MYH13: variants seen among roughly 807,000 people sequenced by gnomAD.
MYH13 encodes myosin-13.
In MYH13, 177 loss-of-function variants were observed where a neutral mutation model predicts 232.1. The observed-to-expected ratio is 0.76, with a 90% CI of 0.67 to 0.86. The LOEUF is 0.86. Among genes scored for constraint, MYH13 ranks in the 40% least tolerant of loss-of-function variants. The pLI, the probability that MYH13 is intolerant of heterozygous loss-of-function variation, is 0.00. For missense variants in MYH13, 2,246 were observed against 2,405.9 expected (o/e 0.93, Z 1.39); for synonymous variants, 884 against 923.5 (o/e 0.96, Z 0.78).
intron 7 of MYH13, 93 bp downstream of exon 7, chr17:10,359,867 A>G (rs2071778307): frequency 2.6e-6 from 3 of 1,152,736 alleles, no homozygotes; most frequent in Non-Finnish European, 3.9e-6. Context: ...TGCCGTTTCT[A>G]CTGAGCGCAT....
In MYH13 at chr17:10,315,993, T is replaced by G. The variant is rs1406648449; in HGVS notation, c.3771A>C (p.Glu1257Asp). 2 of 1,614,056 alleles carry G rather than the reference T, an allele frequency of 1.2e-6. No homozygotes were observed. Among genetic ancestry groups the G allele is most frequent in the Admixed American group, 3.3e-5 (2 of 60,026 alleles). Reference protein sequence around the residue: ...SNIERTCRTVEDQFSEIKAKD... With the variant: ...SNIERTCRTVDDQFSEIKAKD... ...TGGCTTTGATTTCACTAAATTGATC[T>G]TCTACCGTCCGGCACGTTCTTTCTA... The change falls in exon 28 of 41, where the codon GAA becomes GAC. Residue 1257 changes from glutamate (E) to aspartate (D), a missense_variant. Coordinates refer to ENST00000252172, the MANE Select transcript of MYH13 (RefSeq NM_003802.3).
chr17:10,370,904 G>A (rs1421790743), intron 2 of MYH13, among the ~76,000 whole-genome samples: 1 of 152,190 alleles, frequency 6.6e-6, no homozygotes, highest in African/African-American at 2.4e-5. Context: ...TGTGAAGACT[G>A]CATTTGGACC....
At position 10,362,459 on chromosome 17, in the gene MYH13, G is replaced by C. The variant is rs765602592; in HGVS notation, c.249C>G (p.Pro83=). ...CCATGTCCTCGATCTTGTCAAATTT[G>C]GGAGGGTTCATGGGGAAGACCTGGT... ...NNDQVFPMNP[P]KFDKIEDMAM... The change falls in exon 4 of 41, where the codon CCC becomes CCG. Residue 83 remains proline, a synonymous_variant. Transcript: ENST00000252172. The C allele has an allele frequency of 1.9e-6, 3 of 1,614,162 alleles. No individual in the cohort carries two copies. Among genetic ancestry groups the C allele is most frequent in the Non-Finnish European group, 2.5e-6 (3 of 1,180,034 alleles).
Position 10,306,365 on chromosome 17 carries a change from C to T in MYH13, c.5466+94G>A. The T allele has an allele frequency of 6.5e-7, 1 of 1,530,120 alleles. No individual in the cohort carries two copies. The highest frequency in any genetic ancestry group is 1.4e-5 in the African/African-American group (1 of 72,294). 94.8% of individuals were successfully genotyped at this position (1,530,120 alleles called of 1,614,324 possible). ...CCTGAAACTGAATTTGCAATCTATTCATTCAGTGGCCTTTTCCCACCATCT... is the reference window on the plus strand; with the variant it reads ...CCTGAAACTGAATTTGCAATCTATTTATTCAGTGGCCTTTTCCCACCATCT... On this transcript the variant is annotated intron_variant, in intron 37 of 40. Coordinates refer to ENST00000252172, the MANE Select transcript of MYH13 (RefSeq NM_003802.3). The surrounding 1 kb of genome is among the most constrained non-coding windows in gnomAD (Gnocchi z 4.3).
At chr17:10,342,771 G>C (rs1423409740) in intron 16 of MYH13, among the ~76,000 whole-genome samples, 1 of 152,116 alleles carries the variant, frequency 6.6e-6, no homozygotes, top group Non-Finnish European at 1.5e-5. Context: ...AAGTTGATGA[G>C]TGGTTGCCAG....
chr17:10,352,353 A>G (rs2071716461), intron 11 of MYH13, among the ~76,000 whole-genome samples: 1 of 152,166 alleles, frequency 6.6e-6, no homozygotes, highest in Non-Finnish European at 1.5e-5. Context: ...GCACTTTGGA[A>G]GGCCGAGGTG....
In MYH13 at chr17:10,309,777, G is replaced by A. The variant is rs1906438644; in HGVS notation, c.4710C>T (p.Ser1570=). The A allele has an allele frequency of 6.3e-7, 1 of 1,599,826 alleles. No homozygotes were observed. The highest frequency in any genetic ancestry group is 8.5e-7 in the Non-Finnish European group (1 of 1,173,006). ...SKILRVQLEL[S]QVKSELDRKV... ...TGCGGTCTAGCTCGGATTTCACCTG[G>A]CTCAGCTCTAGCTGCACGCGCAAGA... The change falls in exon 34 of 41, where the codon AGC becomes AGT. Residue 1570 remains serine (S), a synonymous_variant. Transcript: ENST00000252172.
intron 3 of MYH13, among the ~76,000 whole-genome samples, chr17:10,363,071 T>C (rs2071806055): frequency 6.6e-6 from 1 of 152,160 alleles, no homozygotes. Context: ...GGGTGCATCA[T>C]GGTTCTTTGC....
At position 10,306,789 on chromosome 17, in the gene MYH13, G is replaced by C. The variant is rs998353429; in HGVS notation, c.5295+150C>G. 7 of 1,522,742 alleles carry C rather than the reference G, an allele frequency of 4.6e-6. No individual in the cohort carries two copies. Among genetic ancestry groups the C allele is most frequent in the Non-Finnish European group, 5.3e-6 (6 of 1,134,592 alleles). 94.3% of individuals were successfully genotyped at this position (1,522,742 alleles called of 1,614,324 possible). The stretch of plus-strand genomic sequence containing the variant: ...CAGCCTCCCCTCCCACTTTGCCACT[G>C]CTGAGACTGTACCTCATTACATCTG... On this transcript the variant is annotated intron_variant, in intron 36 of 40. Transcript: ENST00000252172. The surrounding 1 kb of genome is among the most constrained non-coding windows in gnomAD (Gnocchi z 4.3).
At chr17:10,353,143 T>C (rs1415969369) in intron 11 of MYH13, among the ~76,000 whole-genome samples, 1 of 152,224 alleles carries the variant, frequency 6.6e-6, no homozygotes, top group Admixed American at 6.5e-5. Flanking sequence ...GCTGTTTCTG[T>C]ATGTCACTTC....
chr17:10,330,054 C>T (rs1376463420), intron 21 of MYH13, among the ~76,000 whole-genome samples: 2 of 151,814 alleles, frequency 1.3e-5, no homozygotes, highest in Non-Finnish European at 2.9e-5. Flanking sequence ...CACCTTCATG[C>T]CAACTCCAAC....
intron 18 of MYH13, among the ~76,000 whole-genome samples, chr17:10,334,390 T>C (rs929248062): frequency 3.9e-5 from 6 of 152,348 alleles, no homozygotes; most frequent in Middle Eastern, 6.8e-3. Context: ...CATGTGGCTA[T>C]TTACATTTAA....
chr17:10,332,492 G>C lies in MYH13; in HGVS notation c.2175-270C>G, dbSNP rs560413078. 2.0e-5 allele frequency among the ~76,000 whole-genome samples: 3 copies of C among 152,300 alleles called. No homozygotes were observed. The East Asian group carries it at 5.8e-4, about 29-fold the overall frequency. On this transcript the variant is annotated intron_variant, in intron 19 of 40. Coordinates refer to ENST00000252172, the MANE Select transcript of MYH13 (RefSeq NM_003802.3). ...CGGGAAGTTTGCTTTCAGAGGAAAT[G>C]GTTCTTCTCTGGCTTAAAAGAGGCC...
At chr17:10,311,664 C>G (rs1359794152) in intron 32 of MYH13, among the ~76,000 whole-genome samples, 7 of 152,204 alleles carry the variant, frequency 4.6e-5, no homozygotes, top group African/African-American at 1.7e-4. Context: ...AGGGTCTTCT[C>G]TAACGGAGCA....
chr17:10,303,291 C>A lies in MYH13; in HGVS notation c.5572G>T (p.Ala1858Ser). 1 of 1,614,104 alleles carries A rather than the reference C, an allele frequency of 6.2e-7. No individual in the cohort carries two copies. The highest frequency in any genetic ancestry group is 8.5e-7 in the Non-Finnish European group (1 of 1,180,000). The change falls in exon 39 of 41, where the codon GCT becomes TCT. Residue 1858 changes from alanine (A) to serine (S), a missense_variant and splice_region_variant. Coordinates refer to ENST00000252172, the MANE Select transcript of MYH13 (RefSeq NM_003802.3). Reference protein sequence around the residue: ...ERKVKEMTYQAEEDHKNILRL... With the variant: ...ERKVKEMTYQSEEDHKNILRL... ...AGGATATTCTTGTGGTCCTCCTCAG[C>A]CTGCAAACAGAGTACACGTGGCAGG...
intron 13 of MYH13, among the ~76,000 whole-genome samples, chr17:10,345,910 T>C (rs1350116240): frequency 7.0e-6 from 1 of 142,954 alleles, no homozygotes; most frequent in Admixed American, 7.4e-5. Flanking sequence ...GGAGAATCAC[T>C]TGAACTTGGG....
intron 3 of MYH13, 131 bp downstream of exon 3, chr17:10,364,195 AC>A: frequency 1.1e-6 from 1 of 921,714 alleles, no homozygotes; most frequent in East Asian, 2.6e-5. Context: ...CTGCTACTTC[AC>A]CGCAGAACAG....
In MYH13 at chr17:10,357,757, C is replaced by T; in HGVS notation, c.716G>A (p.Arg239Lys). 6.2e-7 allele frequency: 1 copy of T among 1,613,744 alleles called. No homozygotes were observed. The highest frequency in any genetic ancestry group is 1.1e-5 in the South Asian group (1 of 90,968). Residue 239 changes from arginine (R) to lysine (K), a missense_variant, in exon 8 of 41, where the codon AGG becomes AAG. Transcript: ENST00000252172. ...LEAFGNAKTV[R>K]NDNSSRFGKF... Reference sequence around the variant, plus strand: ...TACAAATCTTGAGGAGTTGTCATTCCTCACAGTCTTGGCATTTCCAAAGGC... The same window carrying T: ...TACAAATCTTGAGGAGTTGTCATTCTTCACAGTCTTGGCATTTCCAAAGGC...
At position 10,303,681 on chromosome 17, in the gene MYH13, G is replaced by A. The variant is rs577004671; in HGVS notation, c.5467-183C>T. Among the ~76,000 whole-genome samples the A allele has an allele frequency of 9.2e-5, 14 of 152,278 alleles. No homozygotes were observed. The South Asian group carries it at 2.9e-3, about 32-fold the overall frequency. ...ACACTTTTACACTGTTGGTGGGAGT[G>A]TAAATTAGTTCAACCATTGTGGAAG... On this transcript the variant is annotated intron_variant, in intron 37 of 40. Coordinates refer to ENST00000252172, the MANE Select transcript of MYH13 (RefSeq NM_003802.3).
Sources: gnomAD v4.1 joint callset for allele counts (sites outside exome capture counted in the v4.1 genomes callset) on GRCh38, gnomAD v4.1.1 for gene constraint, Gnocchi (gnomAD v3.1) non-coding constraint, MANE v1.5 for transcripts, NCBI Gene and HGNC (gene_info 2026-07-23, HGNC 2026-07-21) for gene names.